LEKR1: variants seen among roughly 807,000 people sequenced by gnomAD.
The protein encoded by LEKR1 is protein LEKR1.
LEKR1 carries 59 observed loss-of-function variants against 72.4 expected under a neutral mutation model. That is an observed-to-expected ratio of 0.82 (90% CI 0.66 to 1.01). The LOEUF (loss-of-function observed/expected upper bound fraction) is 1.01, where lower values mean the gene tolerates loss of function less well. Among genes scored for constraint, LEKR1 ranks in the 50% least tolerant of loss-of-function variants. LEKR1 has a pLI of 0.00. For missense variants in LEKR1, 728 were observed against 759.2 expected (o/e 0.96, Z 0.48); for synonymous variants, 257 against 263.2 (o/e 0.98, Z 0.23).
rs773593519 is a variant in LEKR1, at chr3:157,045,661, C to T, written c.1990C>T (p.Pro664Ser). The T allele has an allele frequency of 6.2e-7, 1 of 1,613,974 alleles. No homozygotes were observed. Among genetic ancestry groups the T allele is most frequent in the East Asian group, 2.2e-5 (1 of 44,886 alleles). The change falls in exon 13 of 13, where the codon CCA (proline) becomes TCA (serine). Residue 664 changes from proline (P) to serine (S), a missense_variant. By Grantham distance (74) the Pro-to-Ser change is moderately conservative (BLOSUM62 -1). Coordinates refer to ENST00000356539, the MANE Select transcript of LEKR1 (RefSeq NM_001004316.3). ...VRSGVPILPQ[P>S]HPPRGGASSA... The stretch of plus-strand genomic sequence containing the variant: ...ATCAGGCGTGCCCATTCTCCCCCAG[C>T]CACATCCTCCCAGGGGTGGAGCATC...
At chr3:156,990,615 T>A (rs929455848) in intron 7 of LEKR1, among the ~76,000 whole-genome samples, 5 of 152,176 alleles carry the variant, frequency 3.3e-5, no homozygotes, top group African/African-American at 1.2e-4. Context: ...TTCATCTATT[T>A]ATTTATTGTA....
chr3:157,009,099 TCATGGAATATA>T (rs1203118095), intron 9 of LEKR1, among the ~76,000 whole-genome samples: 1 of 152,182 alleles, frequency 6.6e-6, no homozygotes, highest in Non-Finnish European at 1.5e-5. Flanking sequence ...TTCTTTGTTT[TCATGGAATATA>T]CATTATTACA....
chr3:156,828,471 C>A (rs200010221), intron 1 of LEKR1, among the ~76,000 whole-genome samples: 1 of 22,574 alleles, frequency 4.4e-5, no homozygotes, highest in African/African-American at 1.1e-4. Context: ...CTTGTCTATG[C>A]CTTCTTCCCT....
At chr3:156,883,991 T>C (rs535967626) in intron 3 of LEKR1, among the ~76,000 whole-genome samples, 55 of 152,344 alleles carry the variant, frequency 3.6e-4, no homozygotes, top group African/African-American at 1.3e-3. Flanking sequence ...AGGATTGTGA[T>C]ATTTTCTTAC....
chr3:156,984,073 G>T (rs1192194657), intron 7 of LEKR1, among the ~76,000 whole-genome samples: 8 of 152,128 alleles, frequency 5.3e-5, no homozygotes, highest in Non-Finnish European at 1.2e-4. Context: ...AAGAACAGAC[G>T]GTTATGGCAG....
chr3:156,881,316 A>G (rs1719308695), intron 3 of LEKR1, among the ~76,000 whole-genome samples: 1 of 152,146 alleles, frequency 6.6e-6, no homozygotes, highest in African/African-American at 2.4e-5. Context: ...AGCCTACAAA[A>G]TCAATGTACA....
At chr3:156,840,128 A>G (rs533062408) in intron 2 of LEKR1, among the ~76,000 whole-genome samples, 2 of 152,286 alleles carry the variant, frequency 1.3e-5, no homozygotes, top group East Asian at 3.9e-4. Context: ...TCTTTTCTCT[A>G]GCTTACTTTA....
rs370994153 is a variant in LEKR1, at chr3:157,024,742, T to G, written c.1204-18T>G. 6.3e-7 allele frequency: 1 copy of G among 1,588,208 alleles called. No individual in the cohort carries two copies. The highest frequency in any genetic ancestry group is 8.5e-7 in the Non-Finnish European group (1 of 1,170,960). ...AAGGTAAAAATAGTTTTACATGTGCTTTAAATGCCATTTCTAGATTGAAGC... is the reference window on the plus strand; with the variant it reads ...AAGGTAAAAATAGTTTTACATGTGCGTTAAATGCCATTTCTAGATTGAAGC... On this transcript the variant is annotated intron_variant, in intron 10 of 12. Transcript: ENST00000356539.
intron 5 of LEKR1, among the ~76,000 whole-genome samples, chr3:156,929,381 C>T (rs944733315): frequency 1.3e-5 from 2 of 151,912 alleles, no homozygotes; most frequent in Admixed American, 6.6e-5. Context: ...TGGAAAAATT[C>T]CTGGGCTAAA....
intron 5 of LEKR1, among the ~76,000 whole-genome samples, chr3:156,939,176 G>C (rs1191509613): frequency 2.6e-5 from 4 of 152,176 alleles, no homozygotes; most frequent in Non-Finnish European, 5.9e-5. Flanking sequence ...TATATTTGGA[G>C]ATAAGGTTTT....
chr3:156,980,567 AG>A (rs1183885931), intron 7 of LEKR1, among the ~76,000 whole-genome samples: 3 of 111,086 alleles, frequency 2.7e-5, no homozygotes, highest in Non-Finnish European at 5.3e-5. Flanking sequence ...GATGGTTGCT[AG>A]AAAAAAAAAA....
chr3:156,838,065 G>A (rs763612995), intron 2 of LEKR1, among the ~76,000 whole-genome samples: 3 of 152,248 alleles, frequency 2.0e-5, no homozygotes, highest in East Asian at 1.9e-4. Flanking sequence ...CAGTCACCCC[G>A]CTTAGCATCC....
At chr3:157,037,549 G>A (rs1735051467) in intron 12 of LEKR1, among the ~76,000 whole-genome samples, 1 of 152,120 alleles carries the variant, frequency 6.6e-6, no homozygotes, top group East Asian at 1.9e-4. Context: ...GCAGATTCTA[G>A]CTTAAACTTA....
At chr3:157,042,298 T>A (rs1460447778) in intron 12 of LEKR1, among the ~76,000 whole-genome samples, 2 of 152,190 alleles carry the variant, frequency 1.3e-5, no homozygotes, top group Non-Finnish European at 2.9e-5. Context: ...GCTAATAACC[T>A]TGAAGAAAGA....
intron 6 of LEKR1, among the ~76,000 whole-genome samples, chr3:156,978,352 A>T (rs1729887296): frequency 1.3e-5 from 2 of 152,242 alleles, no homozygotes; most frequent in South Asian, 2.1e-4. Context: ...ACCTGAACAG[A>T]TGGAACATAG....
Position 157,024,937 on chromosome 3 carries a change from G to A in LEKR1, c.1368+13G>A, listed in dbSNP as rs748898080. The A allele has an allele frequency of 6.5e-7, 1 of 1,530,864 alleles. No individual in the cohort carries two copies. Among genetic ancestry groups the A allele is most frequent in the Non-Finnish European group, 8.9e-7 (1 of 1,119,808 alleles). The allele number at this position is 1,530,864 out of a possible 1,614,324, so 94.8% of individuals were successfully genotyped here. ...ACTACAAATGAAGGTCTGTAATTAT[G>A]ATGTTCATCATTATTTAATAGATTT... On this transcript the variant is annotated intron_variant, in intron 11 of 12. Transcript: ENST00000356539.
At chr3:156,895,218 G>T (rs184395208) in intron 3 of LEKR1, among the ~76,000 whole-genome samples, 1 of 152,150 alleles carries the variant, frequency 6.6e-6, no homozygotes, top group Non-Finnish European at 1.5e-5. Context: ...TAAAAAGTAG[G>T]CAAAGGACAT....
intron 2 of LEKR1, among the ~76,000 whole-genome samples, chr3:156,829,725 T>G (rs1174481315): frequency 6.6e-6 from 1 of 152,206 alleles, no homozygotes; most frequent in Non-Finnish European, 1.5e-5. Context: ...TTCTCAGTAC[T>G]TACTGTGTGC....
At chr3:156,963,691 G>A (rs1728316104) in intron 6 of LEKR1, among the ~76,000 whole-genome samples, 1 of 151,990 alleles carries the variant, frequency 6.6e-6, no homozygotes, top group Non-Finnish European at 1.5e-5. Flanking sequence ...TCAGCCATAG[G>A]TACCCCCTTA....
Sources: gnomAD v4.1 joint callset for allele counts (sites outside exome capture counted in the v4.1 genomes callset) on GRCh38, gnomAD v4.1.1 for gene constraint, MANE v1.5 for transcripts, NCBI Gene and HGNC (gene_info 2026-07-23, HGNC 2026-07-21) for gene names.